The following CSMD1 variants were observed in gnomAD, a reference collection of about 807,000 sequenced individuals.
The protein encoded by CSMD1 is CUB and sushi domain-containing protein 1.
CSMD1 carries 213 observed loss-of-function variants against 417.5 expected under a neutral mutation model. The ratio of observed to expected loss-of-function variants is 0.51; its 90% CI spans 0.46 to 0.57. The LOEUF is 0.57. Among genes scored for constraint, CSMD1 ranks in the 20% least tolerant of loss-of-function variants. The pLI, the probability that CSMD1 is intolerant of heterozygous loss-of-function variation, is 0.00. For synonymous variants in CSMD1, 2,862 were observed against 1,736.8 expected (o/e 1.65, Z -16.11); for missense variants, 6,923 against 4,529.7 (o/e 1.53, Z -15.17).
chr8:3,913,644 T>A lies in CSMD1; in HGVS notation c.818+84259A>T, dbSNP rs148105323. On this transcript the variant is annotated intron_variant, in intron 5 of 69. Coordinates refer to ENST00000635120, the MANE Select transcript of CSMD1 (RefSeq NM_033225.6). ...AGGGAAGTGGTGGAGTCATCCAGCATTGAGACATTTGGGTCAGGGCCATCG... is the reference window on the plus strand; with the variant it reads ...AGGGAAGTGGTGGAGTCATCCAGCAATGAGACATTTGGGTCAGGGCCATCG... 3.2e-3 allele frequency among the ~76,000 whole-genome samples: 481 copies of A among 152,264 alleles called. 1 individual carries two copies. The highest frequency in any genetic ancestry group is 0.011 in the African/African-American group (454 of 41,552).
chr8:4,562,856 A>G (rs759484380), intron 2 of CSMD1, among the ~76,000 whole-genome samples: 3 of 152,218 alleles, frequency 2.0e-5, no homozygotes, highest in Non-Finnish European at 4.4e-5. Context: ...AAATGCCTCC[A>G]AAATACCCAC....
chr8:4,700,854 A>T (rs1753781126), intron 1 of CSMD1, among the ~76,000 whole-genome samples: 1 of 152,206 alleles, frequency 6.6e-6, no homozygotes, highest in Non-Finnish European at 1.5e-5. Context: ...GGAAGAAAGG[A>T]TGAAGAACAA....
At chr8:4,025,315 T>A (rs1281083584) in intron 4 of CSMD1, among the ~76,000 whole-genome samples, 2 of 152,216 alleles carry the variant, frequency 1.3e-5, no homozygotes, top group Non-Finnish European at 2.9e-5. Flanking sequence ...CCATCTTTCA[T>A]GTTTTCCAGT....
chr8:4,821,324 C>T (rs1048073704), intron 1 of CSMD1, among the ~76,000 whole-genome samples: 4 of 152,046 alleles, frequency 2.6e-5, no homozygotes, highest in East Asian at 1.9e-4. Flanking sequence ...TTTAAGAATC[C>T]GTTAGTCAGA....
At chr8:4,475,910 G>C (rs1012213462) in intron 2 of CSMD1, among the ~76,000 whole-genome samples, 2 of 152,044 alleles carry the variant, frequency 1.3e-5, no homozygotes, top group Non-Finnish European at 2.9e-5. Flanking sequence ...ACCTCACCTG[G>C]CTCTTTTATT....
chr8:4,326,047 C>T (rs1180088829), intron 3 of CSMD1, among the ~76,000 whole-genome samples: 1 of 152,128 alleles, frequency 6.6e-6, no homozygotes, highest in African/African-American at 2.4e-5. Context: ...GTTGACCTAA[C>T]ACGGGATTCT....
At chr8:4,669,176 A>T (rs1305006618) in intron 1 of CSMD1, among the ~76,000 whole-genome samples, 1 of 152,188 alleles carries the variant, frequency 6.6e-6, no homozygotes, top group African/African-American at 2.4e-5. Flanking sequence ...TGGGATGTGA[A>T]TACTTTGCCT....
At chr8:3,947,884 G>C (rs766083750) in intron 5 of CSMD1, among the ~76,000 whole-genome samples, 42 of 152,088 alleles carry the variant, frequency 2.8e-4, no homozygotes, top group Non-Finnish European at 8.8e-5. Flanking sequence ...ATGTCTACCT[G>C]TTCTATTAGT....
intron 7 of CSMD1, among the ~76,000 whole-genome samples, chr8:3,657,341 C>G (rs1403169567): frequency 6.6e-6 from 1 of 152,054 alleles, no homozygotes; most frequent in East Asian, 1.9e-4. Context: ...TAAGAATATA[C>G]CTCACCAAGA....
At chr8:4,814,431 G>C (rs910189711) in intron 1 of CSMD1, among the ~76,000 whole-genome samples, 1 of 152,134 alleles carries the variant, frequency 6.6e-6, no homozygotes, top group Non-Finnish European at 1.5e-5. Context: ...ATTTTTAGTA[G>C]AAACACGGTT....
intron 3 of CSMD1, among the ~76,000 whole-genome samples, chr8:4,241,358 C>G (rs762314795): frequency 2.2e-4 from 33 of 152,346 alleles, no homozygotes; most frequent in African/African-American, 7.2e-4. Flanking sequence ...TTCTCACCTT[C>G]GAGTAGCAGG....
At chr8:3,509,005 G>C (rs991309691) in intron 10 of CSMD1, among the ~76,000 whole-genome samples, 5 of 152,176 alleles carry the variant, frequency 3.3e-5, no homozygotes, top group African/African-American at 9.7e-5. Flanking sequence ...GCAAATCCCA[G>C]CTTTGTCTCT....
At chr8:4,815,138 T>A (rs1487064338) in intron 1 of CSMD1, among the ~76,000 whole-genome samples, 1 of 152,132 alleles carries the variant, frequency 6.6e-6, no homozygotes, top group East Asian at 1.9e-4. Flanking sequence ...TAGGTCAATA[T>A]CAGGAAGAGT....
intron 3 of CSMD1, among the ~76,000 whole-genome samples, chr8:4,276,598 A>G (rs1055350465): frequency 6.6e-6 from 1 of 152,214 alleles, no homozygotes; most frequent in African/African-American, 2.4e-5. Flanking sequence ...TAATAAAAAT[A>G]AATTTAATAA....
chr8:4,027,533 C>A (rs1298604489), intron 4 of CSMD1, among the ~76,000 whole-genome samples: 1 of 152,112 alleles, frequency 6.6e-6, no homozygotes, highest in Non-Finnish European at 1.5e-5. Flanking sequence ...ACTTCTCGCT[C>A]CTGCTGTCCT....
chr8:4,083,639 T>A (rs111380013), intron 3 of CSMD1, among the ~76,000 whole-genome samples: 9 of 152,162 alleles, frequency 5.9e-5, no homozygotes, highest in Admixed American at 4.6e-4. Flanking sequence ...GCTAGCCATA[T>A]GTAGAAAGCT....
intron 1 of CSMD1, among the ~76,000 whole-genome samples, chr8:4,752,166 C>T (rs557698134): frequency 6.6e-6 from 1 of 151,844 alleles, no homozygotes; most frequent in Non-Finnish European, 1.5e-5. Flanking sequence ...AGTTCCTTAC[C>T]ACTTCTCTAG....
intron 41 of CSMD1, among the ~76,000 whole-genome samples, chr8:3,123,712 A>T (rs1817337670): frequency 6.6e-6 from 1 of 152,240 alleles, no homozygotes; most frequent in Non-Finnish European, 1.5e-5. Context: ...TCATCCACGA[A>T]TTAGCAGTGC....
chr8:4,271,021 G>T (rs1458867691), intron 3 of CSMD1, among the ~76,000 whole-genome samples: 1 of 152,218 alleles, frequency 6.6e-6, no homozygotes, highest in African/African-American at 2.4e-5. Context: ...GCAGGTCCTA[G>T]TGGGAAGAGA....
Sources: allele counts gnomAD v4.1 joint callset (sites outside exome capture counted in the v4.1 genomes callset), GRCh38; gene constraint gnomAD v4.1.1; transcripts MANE v1.5; gene names NCBI Gene and HGNC (gene_info 2026-07-23, HGNC 2026-07-21).